Variants in CDH13 observed in about 807,000 individuals in gnomAD.
CDH13 encodes the protein cadherin 13.
CDH13 carries 24 observed loss-of-function variants against 63.8 expected under a neutral mutation model. That is an observed-to-expected ratio of 0.38 (90% CI 0.27 to 0.53). CDH13 has a LOEUF of 0.53. CDH13 is among the 20% of genes least tolerant of loss of function. The pLI is 0.85. For synonymous variants in CDH13, 503 were observed against 355.3 expected (o/e 1.42, Z -4.67); for missense variants, 1,049 against 903.1 (o/e 1.16, Z -2.07).
chr16:82,804,143 G>T (rs527999858), intron 1 of CDH13, among the ~76,000 whole-genome samples: 8 of 152,016 alleles, frequency 5.3e-5, no homozygotes, highest in African/African-American at 1.2e-4. Flanking sequence ...CAAGAGAATC[G>T]CTTGAACCCA....
At chr16:83,490,829 A>C (rs1281840560) in intron 7 of CDH13, among the ~76,000 whole-genome samples, 1 of 152,220 alleles carries the variant, frequency 6.6e-6, no homozygotes, top group Non-Finnish European at 1.5e-5. Context: ...TCCCCAAGAC[A>C]TGTGCGTTTT....
intron 11 of CDH13, among the ~76,000 whole-genome samples, chr16:83,755,245 A>G (rs899274106): frequency 6.6e-6 from 1 of 152,206 alleles, no homozygotes; most frequent in African/African-American, 2.4e-5. Context: ...AGGATTTTTA[A>G]CCTGGAATAT....
intron 1 of CDH13, among the ~76,000 whole-genome samples, chr16:82,776,011 A>G (rs1193438912): frequency 6.6e-6 from 1 of 152,138 alleles, no homozygotes; most frequent in African/African-American, 2.4e-5. Flanking sequence ...GGAGTTCAAG[A>G]CCAGTCTGGC....
intron 5 of CDH13, among the ~76,000 whole-genome samples, chr16:83,256,559 C>T (rs57168576): frequency 0.026 from 3,897 of 151,218 alleles, 165 homozygotes; most frequent in African/African-American, 0.085. Flanking sequence ...TGGCCAGGCA[C>T]GGTGGCTCAC....
rs1407677862 is a variant in CDH13 at position 83,437,233 on chromosome 16, C to G, written c.782-49244C>G. ...TGTGACCTTGGGTGAGTTACTTGAC[C>G]TCTCTGTGTCTCAGTTTCCTTCTTT... On this transcript the variant is annotated intron_variant, in intron 6 of 13. Coordinates refer to ENST00000567109, the MANE Select transcript of CDH13 (RefSeq NM_001257.5). 2.0e-5 allele frequency among the ~76,000 whole-genome samples: 3 copies of G among 152,216 alleles called. No homozygotes were observed. In the East Asian group the frequency reaches 5.8e-4, roughly 29 times the overall value.
At chr16:82,642,340 G>A (rs1232446618) in intron 1 of CDH13, among the ~76,000 whole-genome samples, 1 of 152,186 alleles carries the variant, frequency 6.6e-6, no homozygotes, top group African/African-American at 2.4e-5. Flanking sequence ...GCCCATTAAA[G>A]TACAGTAGGC....
chr16:82,718,540 T>A, intron 1 of CDH13, among the ~76,000 whole-genome samples: 1 of 152,152 alleles, frequency 6.6e-6, no homozygotes, highest in Non-Finnish European at 1.5e-5. Context: ...TGGGGCACAG[T>A]GTAGTGTTGT....
At chr16:83,303,585 C>T (rs1446819212) in intron 5 of CDH13, among the ~76,000 whole-genome samples, 1 of 152,002 alleles carries the variant, frequency 6.6e-6, no homozygotes, top group African/African-American at 2.4e-5. Context: ...AATGAAGTTA[C>T]AGGGAGGGGG....
chr16:83,450,105 C>A (rs570260013), intron 6 of CDH13, among the ~76,000 whole-genome samples: 2 of 152,248 alleles, frequency 1.3e-5, no homozygotes, highest in African/African-American at 4.8e-5. Context: ...CTGGGGAAGG[C>A]AGATATGGAT....
chr16:82,725,889 T>C (rs879396500), intron 1 of CDH13, among the ~76,000 whole-genome samples: 2 of 152,202 alleles, frequency 1.3e-5, no homozygotes, highest in Admixed American at 1.3e-4. Context: ...TTTCTGTTCA[T>C]AGACTTAATA....
rs1333195740 is a variant in CDH13, at chr16:83,368,883, GTTATATATATAT to G, written c.781+23878_781+23889del. ...TTATGGCTGAGTAGTAGTATTCCAT[GTTATATATATAT>G]ATATATATATATATATATATATATA... On this transcript the variant is annotated intron_variant, in intron 6 of 13. Transcript: ENST00000567109. 8.9e-3 allele frequency among the ~76,000 whole-genome samples: 224 copies of G among 25,302 alleles called. 6 individuals are homozygous for G. The highest frequency in any genetic ancestry group is 0.022 in the African/African-American group (214 of 9,788). The allele number at this position is 25,302 out of a possible 152,430, so 16.6% of individuals were successfully genotyped here.
At chr16:83,027,923 G>C (rs887313468) in intron 2 of CDH13, among the ~76,000 whole-genome samples, 24 of 152,126 alleles carry the variant, frequency 1.6e-4, no homozygotes, top group African/African-American at 5.3e-4. Context: ...TTCAAACTAG[G>C]GACTGTGCCT....
At chr16:83,067,720 T>A (rs1008437892) in intron 3 of CDH13, among the ~76,000 whole-genome samples, 1 of 152,070 alleles carries the variant, frequency 6.6e-6, no homozygotes, top group Non-Finnish European at 1.5e-5. Context: ...TGAAACAGAA[T>A]AGGATGAAGA....
chr16:83,468,058 C>G (rs1209740657), intron 6 of CDH13, among the ~76,000 whole-genome samples: 1 of 152,210 alleles, frequency 6.6e-6, no homozygotes, highest in African/African-American at 2.4e-5. Flanking sequence ...ACTGTCTTCT[C>G]TCTTGCTTCC....
At chr16:83,000,226 T>A (rs189441933) in intron 2 of CDH13, among the ~76,000 whole-genome samples, 82 of 57,070 alleles carry the variant, frequency 1.4e-3, no homozygotes, top group African/African-American at 6.3e-3. Context: ...TTAGCTTATT[T>A]TTTTTTTTTT....
chr16:83,424,521 G>C (rs1298433776), intron 6 of CDH13, among the ~76,000 whole-genome samples: 1 of 152,124 alleles, frequency 6.6e-6, no homozygotes, highest in African/African-American at 2.4e-5. Context: ...TTAAGCTGCT[G>C]TGGTAAGAGG....
intron 1 of CDH13, among the ~76,000 whole-genome samples, chr16:82,802,590 A>G (rs566895269): frequency 1.3e-5 from 2 of 152,194 alleles, no homozygotes; most frequent in Non-Finnish European, 2.9e-5. Flanking sequence ...CCCACAGCCC[A>G]GGGTTCATAC....
intron 3 of CDH13, among the ~76,000 whole-genome samples, chr16:83,056,116 T>C (rs2030902446): frequency 6.6e-6 from 1 of 152,194 alleles, no homozygotes; most frequent in South Asian, 2.1e-4. Flanking sequence ...TTAGCATCAC[T>C]AGTCATCAAG....
chr16:83,110,369 G>A (rs576182894), intron 3 of CDH13, among the ~76,000 whole-genome samples: 1 of 152,316 alleles, frequency 6.6e-6, no homozygotes, highest in Admixed American at 6.5e-5. Flanking sequence ...TGGTCACTTG[G>A]TAGGTGACAA....
Sources: gnomAD v4.1 joint callset for allele counts (sites outside exome capture counted in the v4.1 genomes callset) on GRCh38, gnomAD v4.1.1 for gene constraint, MANE v1.5 for transcripts, NCBI Gene and HGNC (gene_info 2026-07-23, HGNC 2026-07-21) for gene names.